The following COPA variants were observed in gnomAD, a reference collection of about 807,000 sequenced individuals.
The protein encoded by COPA is coatomer subunit alpha.
Under a neutral mutation model 158.7 loss-of-function variants are expected in COPA, and 10 were observed. The ratio of observed to expected loss-of-function variants is 0.06; its 90% CI spans 0.04 to 0.11. The LOEUF (loss-of-function observed/expected upper bound fraction) is 0.11. Among genes scored for constraint, COPA ranks in the 10% least tolerant of loss-of-function variants. The pLI, the probability that COPA is intolerant of heterozygous loss-of-function variation, is 1.00. For synonymous variants in COPA, 462 were observed against 542.8 expected, an observed-to-expected ratio of 0.85 and a Z score of 2.07; for missense variants, 1,065 against 1,536.7, an observed-to-expected ratio of 0.69 and a Z score of 5.13.
intron 6 of COPA, among the ~76,000 whole-genome samples, chr1:160,327,211 T>A (rs1036353054): frequency 6.6e-6 from 1 of 152,208 alleles, no homozygotes; most frequent in Admixed American, 6.5e-5. Flanking sequence ...AAGACAGTTA[T>A]GTGTAATGGA....
chr1:160,340,463 T>C (rs55940917), intron 1 of COPA, among the ~76,000 whole-genome samples, 169 bp from the exon 2 acceptor site: 5,018 of 152,312 alleles, frequency 0.033, 275 homozygotes, highest in African/African-American at 0.11. Flanking sequence ...TGTTTGGTAC[T>C]AGATTTTTGT....
intron 24 of COPA, 81 bp from the exon 25 acceptor site, chr1:160,294,674 G>A (rs887628871): frequency 1.1e-4 from 171 of 1,593,592 alleles, no homozygotes; most frequent in Non-Finnish European, 1.4e-4. Flanking sequence ...ATCCTAGTTC[G>A]TTTCATGGCC....
At chr1:160,324,945 G>T (rs1659443850) in intron 7 of COPA, among the ~76,000 whole-genome samples, 1 of 152,124 alleles carries the variant, frequency 6.6e-6, no homozygotes, top group African/African-American at 2.4e-5. Context: ...TTATTGAGAT[G>T]TATCATGATG....
chr1:160,325,094 GATA>G (rs750056645), intron 7 of COPA, among the ~76,000 whole-genome samples: 4 of 151,774 alleles, frequency 2.6e-5, no homozygotes, highest in Non-Finnish European at 5.9e-5. Flanking sequence ...GCTAAATAGG[GATA>G]ATAATATCTA....
chr1:160,339,581 C>T (rs184059980), intron 3 of COPA: 13 of 198,982 alleles, frequency 6.5e-5, no homozygotes, highest in South Asian at 1.8e-4. Flanking sequence ...CTGCTCTTTC[C>T]TATTTCACTG....
chr1:160,329,233 C>T (rs1647394051), intron 6 of COPA, among the ~76,000 whole-genome samples: 2 of 152,188 alleles, frequency 1.3e-5, no homozygotes, highest in African/African-American at 4.8e-5. Flanking sequence ...TACTGGAAGT[C>T]AAGAGTTGTG....
intron 17 of COPA, among the ~76,000 whole-genome samples, chr1:160,302,984 C>T (rs1206842708): frequency 2.0e-5 from 3 of 152,080 alleles, no homozygotes; most frequent in Non-Finnish European, 2.9e-5. Flanking sequence ...ACCAGCCTGG[C>T]CAATATGGTG....
At chr1:160,290,762 G>C in intron 31 of COPA, 76 bp from the exon 32 acceptor site, 1 of 1,394,616 alleles carries the variant, frequency 7.2e-7, no homozygotes, top group Non-Finnish European at 1.0e-6. Context: ...ACCATGGTTT[G>C]GTAGTTCCGT....
At chr1:160,330,483 A>G (rs933926674) in intron 6 of COPA, among the ~76,000 whole-genome samples, 1 of 152,218 alleles carries the variant, frequency 6.6e-6, no homozygotes, top group African/African-American at 2.4e-5. Flanking sequence ...CCTCCCTTTC[A>G]TTCTATGCCT....
At chr1:160,301,025 C>T (rs1472903982) in intron 17 of COPA, among the ~76,000 whole-genome samples, 3 of 151,946 alleles carry the variant, frequency 2.0e-5, no homozygotes, top group East Asian at 3.9e-4. Flanking sequence ...GACTGATGCA[C>T]AAGAATTGCT....
At chr1:160,318,032 C>T (rs1021294397) in intron 8 of COPA, among the ~76,000 whole-genome samples, 8 of 152,034 alleles carry the variant, frequency 5.3e-5, no homozygotes, top group Non-Finnish European at 1.2e-4. Context: ...TAATAACTTG[C>T]GAATTGGCCC....
rs550550659 is a variant in COPA, at chr1:160,299,776, A to C, written c.1668-512T>G. Among the ~76,000 whole-genome samples, 112 of 152,356 alleles carry C rather than the reference A, an allele frequency of 7.4e-4. 4 individuals are homozygous for C. In the South Asian group the frequency reaches 0.022, roughly 30 times the overall value. The stretch of plus-strand genomic sequence containing the variant: ...TTAAAAATTATTGGGTTCTACATGC[A>C]TATATTAGGAGAAACTGAAAATTAA... On this transcript the variant is annotated intron_variant, in intron 17 of 32. Coordinates refer to ENST00000241704, the MANE Select transcript of COPA (RefSeq NM_004371.4).
At chr1:160,308,579 C>G (rs1658866934) in intron 13 of COPA, among the ~76,000 whole-genome samples, 1 of 152,210 alleles carries the variant, frequency 6.6e-6, no homozygotes. Context: ...GTTCTAATCA[C>G]AAGGACATCA....
At chr1:160,307,072 G>A (rs564208769) in intron 14 of COPA, 91 bp downstream of exon 14, 106 of 1,280,360 alleles carry the variant, frequency 8.3e-5, no homozygotes, top group Non-Finnish European at 1.2e-4. Context: ...GCCCGGGGGA[G>A]AACAGAAAAA....
chr1:160,327,505 G>A lies in COPA; in HGVS notation c.497-1853C>T, dbSNP rs1341062059. 2.0e-5 allele frequency among the ~76,000 whole-genome samples: 3 copies of A among 151,392 alleles called. No individual in the cohort carries two copies. The East Asian group carries it at 5.9e-4, about 30-fold the overall frequency. On this transcript the variant is annotated intron_variant, in intron 6 of 32. Coordinates refer to ENST00000241704, the MANE Select transcript of COPA (RefSeq NM_004371.4). ...GGGCGCAGCGCGGAGGTTGCAGTGAGCCAAGATTGCACCACTTTACTCCAG... is the reference window on the plus strand; with the variant it reads ...GGGCGCAGCGCGGAGGTTGCAGTGAACCAAGATTGCACCACTTTACTCCAG...
Position 160,289,476 on chromosome 1 carries a change from CA to C in COPA, c.*680del, listed in dbSNP as rs1310252879. 2.0e-5 allele frequency: 3 copies of C among 151,948 alleles called. No homozygotes were observed. Among genetic ancestry groups the C allele is most frequent in the Non-Finnish European group, 2.9e-5 (2 of 68,012 alleles). 9.4% of individuals were successfully genotyped at this position (151,948 alleles called of 1,614,324 possible). ...AAGAGTTGGTGTGGCCTAGTCACAC[CA>C]AAATGTATTTATTACATCCTGCTCC... On this transcript the variant is annotated 3_prime_UTR_variant, in exon 33 of 33. Transcript: ENST00000241704.
intron 3 of COPA, among the ~76,000 whole-genome samples, chr1:160,335,809 G>A (rs1426555028): frequency 6.9e-6 from 1 of 145,908 alleles, no homozygotes; most frequent in African/African-American, 2.6e-5. Flanking sequence ...CTTGAACTCA[G>A]GATACAAGAG....
Position 160,309,130 on chromosome 1 carries a change from G to A in COPA, c.1190C>T (p.Pro397Leu), listed in dbSNP as rs1334993093. The A allele has an allele frequency of 6.2e-7, 1 of 1,613,774 alleles. No homozygotes were observed. The highest frequency in any genetic ancestry group is 2.2e-5 in the East Asian group (1 of 44,876). Residue 397 changes from proline to leucine, a missense_variant, in exon 13 of 33, where the codon CCT becomes CTT. By Grantham distance (98) the Pro-to-Leu change is moderately conservative. Around this residue, in one of 2 missense-constraint regions of COPA, gnomAD observed 980 missense variants for 1,357.8 expected, o/e 0.72. Coordinates refer to ENST00000241704, the MANE Select transcript of COPA (RefSeq NM_004371.4). Reference sequence around the variant, plus strand: ...AGGATTCTGGGAGTCAGCATCTTTAGGGATGGTGTACAGGTCATAGGTACT... The same window carrying A: ...AGGATTCTGGGAGTCAGCATCTTTAAGGATGGTGTACAGGTCATAGGTACT... ...ENSTYDLYTI[P>L]KDADSQNPDA...
chr1:160,291,937 G>C lies in COPA; in HGVS notation c.3148-8C>G. 1 of 1,614,168 alleles carries C rather than the reference G, an allele frequency of 6.2e-7. No homozygotes were observed. The highest frequency in any genetic ancestry group is 2.2e-5 in the East Asian group (1 of 44,888). On this transcript the variant is annotated splice_polypyrimidine_tract_variant and splice_region_variant and intron_variant, in intron 29 of 32. Transcript: ENST00000241704. Reference sequence around the variant, plus strand: ...GGTGATGAGCTGCTGGGCCTGTAGAGGGGGCAGAAGGTCAGGATACAGAGA... The same window carrying C: ...GGTGATGAGCTGCTGGGCCTGTAGACGGGGCAGAAGGTCAGGATACAGAGA...
Sources: gnomAD v4.1 joint callset for allele counts (sites outside exome capture counted in the v4.1 genomes callset) on GRCh38, gnomAD v4.1.1 for gene constraint, gnomAD v4.1.1 regional missense constraint, MANE v1.5 for transcripts, NCBI Gene and HGNC (gene_info 2026-07-23, HGNC 2026-07-21) for gene names.